The following DIP2C variants were observed in gnomAD, a reference collection of about 807,000 sequenced individuals.
DIP2C encodes the protein disco-interacting protein 2 homolog C.
In DIP2C, 33 loss-of-function variants were observed where a neutral mutation model predicts 192.4. The ratio of observed to expected loss-of-function variants is 0.17; its 90% CI spans 0.13 to 0.23. DIP2C has a LOEUF of 0.23. Ranked by LOEUF, DIP2C falls within the 10% of genes least tolerant of loss-of-function variation. The probability of loss-of-function intolerance (pLI) is 1.00; values close to 1 mark genes in which losing one functional copy is unlikely to be tolerated. For synonymous variants in DIP2C, 979 were observed against 864.1 expected (o/e 1.13, Z -2.33); for missense variants, 1,537 against 2,110.1 (o/e 0.73, Z 5.32).
intron 2 of DIP2C, among the ~76,000 whole-genome samples, chr10:483,803 C>G (rs1843797397): frequency 1.3e-5 from 2 of 152,166 alleles, no homozygotes; most frequent in South Asian, 4.2e-4. Flanking sequence ...AAGTTTGCCT[C>G]TATGACTTCA....
intron 1 of DIP2C, among the ~76,000 whole-genome samples, chr10:579,729 C>T (rs1006435448): frequency 9.9e-5 from 15 of 152,002 alleles, no homozygotes; most frequent in African/African-American, 3.1e-4. Flanking sequence ...CATATCAATA[C>T]AGCATACATA....
chr10:659,957 G>A (rs1459291338), intron 1 of DIP2C, among the ~76,000 whole-genome samples: 2 of 152,214 alleles, frequency 1.3e-5, no homozygotes, highest in Non-Finnish European at 2.9e-5. Context: ...ACAGCCTTAG[G>A]AGAGAATCTC....
intron 1 of DIP2C, among the ~76,000 whole-genome samples, chr10:525,750 T>A (rs1050191477): frequency 3.3e-5 from 5 of 152,160 alleles, no homozygotes; most frequent in African/African-American, 1.2e-4. Context: ...ACACCAGCTG[T>A]GCAGGTGACT....
At chr10:449,731 T>A (rs1968673408) in intron 3 of DIP2C, among the ~76,000 whole-genome samples, 1 of 148,054 alleles carries the variant, frequency 6.8e-6, no homozygotes, top group Non-Finnish European at 1.5e-5. Context: ...TGTATACATA[T>A]GTAACTAACC....
intron 2 of DIP2C, among the ~76,000 whole-genome samples, chr10:473,924 T>TATCA (rs919460467): frequency 1.3e-5 from 2 of 152,164 alleles, no homozygotes; most frequent in African/African-American, 2.4e-5. Context: ...GGGTCTCATG[T>TATCA]ATCAGGCTGG....
rs1262188760 is a variant in DIP2C, at chr10:611,179, A to C, written c.85+78315T>G. On this transcript the variant is annotated intron_variant, in intron 1 of 36. Coordinates refer to ENST00000280886, the MANE Select transcript of DIP2C (RefSeq NM_014974.3). ...TTCTCATGAGATCTGGTTGTTTGAA[A>C]GTGCATGGCACCTTCCCCTTCACTC... 3.6e-5 allele frequency among the ~76,000 whole-genome samples: 5 copies of C among 137,606 alleles called. No homozygotes were observed. In the East Asian group the frequency reaches 8.9e-4, roughly 24 times the overall value. The allele number at this position is 137,606 out of a possible 152,430, so 90.3% of individuals were successfully genotyped here.
Position 605,200 on chromosome 10 carries a change from A to T in DIP2C, c.85+84294T>A, listed in dbSNP as rs141490462. On this transcript the variant is annotated intron_variant, in intron 1 of 36. Transcript: ENST00000280886. The stretch of plus-strand genomic sequence containing the variant: ...CCGCCGGCTGCACTCAGAGCTCAGA[A>T]CCTTCTAGATGAAAGCAACGTGTTC... Among the ~76,000 whole-genome samples the T allele has an allele frequency of 5.7e-4, 87 of 152,294 alleles. 2 individuals are homozygous for T. The East Asian group carries it at 0.016, about 28-fold the overall frequency.
At chr10:579,466 C>G (rs1251011699) in intron 1 of DIP2C, among the ~76,000 whole-genome samples, 1 of 151,518 alleles carries the variant, frequency 6.6e-6, no homozygotes, top group African/African-American at 2.4e-5. Context: ...AGAGCGTACA[C>G]ACATACAGAT....
In DIP2C at chr10:651,004, G is replaced by C. The variant is rs1397312086; in HGVS notation, c.85+38490C>G. The stretch of plus-strand genomic sequence containing the variant: ...CTCTCTCCATCTCTCCCGGTGCCAG[G>C]GCTCAGGCCCCAGCCCCCGTTTCTG... On this transcript the variant is annotated intron_variant, in intron 1 of 36. Coordinates refer to ENST00000280886, the MANE Select transcript of DIP2C (RefSeq NM_014974.3). This position sits in a 1 kb window ranked among gnomAD's most constrained non-coding sequence, Gnocchi z 4.1. 3 of 717,266 alleles carry C rather than the reference G, an allele frequency of 4.2e-6. No homozygotes were observed. Among genetic ancestry groups the C allele is most frequent in the Admixed American group, 4.0e-5 (2 of 49,994 alleles). The allele number at this position is 717,266 out of a possible 1,614,324, so 44.4% of individuals were successfully genotyped here.
At chr10:341,102 G>A in intron 29 of DIP2C, 97 bp downstream of exon 29, 1 of 1,540,060 alleles carries the variant, frequency 6.5e-7, no homozygotes, top group Non-Finnish European at 8.9e-7. Flanking sequence ...AGGAGTGGGG[G>A]TGTGGGGGCA....
chr10:500,204 A>C (rs1845127667), intron 1 of DIP2C, among the ~76,000 whole-genome samples: 1 of 152,244 alleles, frequency 6.6e-6, no homozygotes, highest in Non-Finnish European at 1.5e-5. Context: ...CTCTGTGCTC[A>C]TCAGCGTCTG....
chr10:602,630 A>T (rs1852166118), intron 1 of DIP2C, among the ~76,000 whole-genome samples: 1 of 152,170 alleles, frequency 6.6e-6, no homozygotes, highest in Admixed American at 6.5e-5. Context: ...CGGACTTCCC[A>T]GCCTCCAGAG....
At chr10:541,460 CCG>C (rs1847980627) in intron 1 of DIP2C, among the ~76,000 whole-genome samples, 1 of 139,912 alleles carries the variant, frequency 7.1e-6, no homozygotes, top group African/African-American at 2.7e-5. Flanking sequence ...CTGGACCCCC[CCG>C]AGTGACCCTC....
intron 17 of DIP2C, among the ~76,000 whole-genome samples, chr10:372,442 A>C (rs921336338): frequency 6.6e-6 from 1 of 152,234 alleles, no homozygotes; most frequent in African/African-American, 2.4e-5. Flanking sequence ...ATAATTGAAT[A>C]TGTTAAGATT....
intron 1 of DIP2C, among the ~76,000 whole-genome samples, chr10:581,600 G>C (rs1040848263): frequency 4.0e-5 from 6 of 151,854 alleles, no homozygotes; most frequent in Non-Finnish European, 7.3e-5. Flanking sequence ...GGTCAGCCTT[G>C]AAGTAATGGG....
At chr10:688,429 C>T (rs1195519766) in intron 1 of DIP2C, among the ~76,000 whole-genome samples, 2 of 152,192 alleles carry the variant, frequency 1.3e-5, no homozygotes, top group African/African-American at 4.8e-5. Context: ...AAAGTCAACA[C>T]CAGCTCCTCC....
intron 1 of DIP2C, among the ~76,000 whole-genome samples, chr10:533,775 G>A (rs1282348574): frequency 6.6e-6 from 1 of 152,054 alleles, no homozygotes; most frequent in Non-Finnish European, 1.5e-5. Flanking sequence ...CTTAGTGACG[G>A]GCACCTACTC....
At chr10:527,775 C>A (rs926395097) in intron 1 of DIP2C, among the ~76,000 whole-genome samples, 2 of 152,184 alleles carry the variant, frequency 1.3e-5, no homozygotes, top group African/African-American at 4.8e-5. Context: ...CTCTGTACAA[C>A]AGAAAATCCA....
chr10:454,380 T>C (rs928284162), intron 3 of DIP2C, among the ~76,000 whole-genome samples: 8 of 152,094 alleles, frequency 5.3e-5, no homozygotes, highest in Non-Finnish European at 1.0e-4. Flanking sequence ...CTAAAAATAC[T>C]AAAAAGGGAT....
Sources: gnomAD v4.1 joint callset for allele counts (sites outside exome capture counted in the v4.1 genomes callset) on GRCh38, gnomAD v4.1.1 for gene constraint, Gnocchi (gnomAD v3.1) non-coding constraint, MANE v1.5 for transcripts, NCBI Gene and HGNC (gene_info 2026-07-23, HGNC 2026-07-21) for gene names.